YPEL2: variants seen among roughly 807,000 people sequenced by gnomAD.
YPEL2 encodes yippee like 2, also known as protein yippee-like 2.
Under a neutral mutation model 19.1 loss-of-function variants are expected in YPEL2, and 2 were observed. The observed-to-expected ratio is 0.10, with a 90% confidence interval of 0.04 to 0.33. The LOEUF is 0.33. YPEL2 is among the 10% of genes least tolerant of loss of function. YPEL2 has a pLI of 1.00. For synonymous variants in YPEL2, 52 were observed against 50.0 expected, an observed-to-expected ratio of 1.04 and a Z score of -0.17; for missense variants, 66 against 140.7, an observed-to-expected ratio of 0.47 and a Z score of 2.68.
chr17:59,361,630 A>G (rs1194319846), intron 2 of YPEL2, among the ~76,000 whole-genome samples: 2 of 152,168 alleles, frequency 1.3e-5, no homozygotes, highest in Non-Finnish European at 2.9e-5. Context: ...GTGAGTTTCA[A>G]TCTGGGTCCG....
intron 2 of YPEL2, among the ~76,000 whole-genome samples, chr17:59,366,580 T>C (rs1276423975): frequency 1.3e-5 from 2 of 152,192 alleles, no homozygotes; most frequent in Admixed American, 6.5e-5. Context: ...GATGCATCTT[T>C]GGAGGAATGT....
intron 2 of YPEL2, among the ~76,000 whole-genome samples, chr17:59,383,327 G>A (rs1185349935): frequency 6.6e-6 from 1 of 151,602 alleles, no homozygotes; most frequent in Non-Finnish European, 1.5e-5. Flanking sequence ...GGCCGGGCGT[G>A]GTGGCTCACG....
rs1165764066 is a variant in YPEL2, at chr17:59,397,663, A to AG, written c.*475dup. On this transcript the variant is annotated 3_prime_UTR_variant, in exon 5 of 5. Transcript: ENST00000312655. ...GCCGCTCCTGGAGACCTGATAACTT[A>AG]GGCTTGAAATAATTGACTTGTCTAA... 1.3e-5 allele frequency: 2 copies of AG among 153,292 alleles called. No individual in the cohort carries two copies. Among genetic ancestry groups the AG allele is most frequent in the Non-Finnish European group, 2.9e-5 (2 of 68,788 alleles). 9.5% of individuals were successfully genotyped at this position (153,292 alleles called of 1,614,324 possible). A position where few individuals can be genotyped will look rare whatever the true frequency, so the allele number is the denominator to read the frequency against.
intron 4 of YPEL2, 114 bp downstream of exon 4, chr17:59,389,582 A>G (rs2047997639): frequency 5.2e-6 from 4 of 764,366 alleles, no homozygotes; most frequent in Admixed American, 2.1e-5. Context: ...GTCTTAGACC[A>G]GAATAGTCAC....
At position 59,398,860 on chromosome 17, in the gene YPEL2, C is replaced by T. The variant is rs1451777415; in HGVS notation, c.*1670C>T. On this transcript the variant is annotated 3_prime_UTR_variant, in exon 5 of 5. Transcript: ENST00000312655. ...GATGAACTGAGATGAAAGCAGCCAA[C>T]AGCCCAGGAGCTTTTCAGAATAGCG... 1.3e-5 allele frequency: 2 copies of T among 152,190 alleles called. No homozygotes were observed. The highest frequency in any genetic ancestry group is 1.5e-5 in the Non-Finnish European group (1 of 68,040). The allele number at this position is 152,190 out of a possible 1,614,324, so 9.4% of individuals were successfully genotyped here. A position where few individuals can be genotyped will look rare whatever the true frequency, so the allele number is the denominator to read the frequency against.
intron 2 of YPEL2, among the ~76,000 whole-genome samples, chr17:59,360,613 C>T (rs1360309682): frequency 1.3e-5 from 2 of 152,160 alleles, no homozygotes; most frequent in Non-Finnish European, 2.9e-5. Context: ...TTGTACTCCT[C>T]TAGAAGTATC....
rs1432444121 is a variant in YPEL2, at chr17:59,398,946, T to C, written c.*1756T>C. On this transcript the variant is annotated 3_prime_UTR_variant, in exon 5 of 5. Transcript: ENST00000312655. ...CTTGGTGGAAATGCTTTTTTGTGTG[T>C]CTCCACGCGCTGATGGTGGAATGGG... 1 of 152,128 alleles carries C rather than the reference T, an allele frequency of 6.6e-6. No individual in the cohort carries two copies. Among genetic ancestry groups the C allele is most frequent in the East Asian group, 1.9e-4 (1 of 5,192 alleles). The allele number at this position is 152,128 out of a possible 1,614,324, so 9.4% of individuals were successfully genotyped here.
chr17:59,388,782 C>CTG (rs1170548620), intron 3 of YPEL2: 12 of 206,546 alleles, frequency 5.8e-5, no homozygotes, highest in Non-Finnish European at 1.1e-4. Flanking sequence ...GTTTCCAGGG[C>CTG]ACTCAGCCAT....
intron 4 of YPEL2, among the ~76,000 whole-genome samples, chr17:59,392,587 T>C (rs1295971797): frequency 6.8e-6 from 1 of 146,738 alleles, no homozygotes; most frequent in Non-Finnish European, 1.5e-5. Context: ...CTCGGCTTAC[T>C]GCAACCTCCA....
intron 2 of YPEL2, among the ~76,000 whole-genome samples, chr17:59,370,177 C>T (rs1179760275): frequency 6.6e-6 from 1 of 152,226 alleles, no homozygotes; most frequent in Non-Finnish European, 1.5e-5. Flanking sequence ...CAGCCTCAGC[C>T]TCAGCCTCCT....
chr17:59,400,340 T>C lies in YPEL2; in HGVS notation c.*3150T>C, dbSNP rs2048064128. The C allele has an allele frequency of 6.6e-6, 1 of 152,646 alleles. No individual in the cohort carries two copies. The highest frequency in any genetic ancestry group is 1.5e-5 in the Non-Finnish European group (1 of 68,044). 9.5% of individuals were successfully genotyped at this position (152,646 alleles called of 1,614,324 possible). On this transcript the variant is annotated 3_prime_UTR_variant, in exon 5 of 5. Transcript: ENST00000312655. Reference sequence around the variant, plus strand: ...TTGTAAAATATACTTTTGTAAATAATATTTAATTTTTTAAATAATATATTT... The same window carrying C: ...TTGTAAAATATACTTTTGTAAATAACATTTAATTTTTTAAATAATATATTT...
At chr17:59,337,007 G>T (rs2047701892) in intron 1 of YPEL2, among the ~76,000 whole-genome samples, 1 of 152,134 alleles carries the variant, frequency 6.6e-6, no homozygotes, top group Non-Finnish European at 1.5e-5. Context: ...CATTATGTCA[G>T]CCCCTCCGTT....
In YPEL2 at chr17:59,400,989, T is replaced by G. The variant is rs1488069298; in HGVS notation, c.*3799T>G. The G allele has an allele frequency of 6.6e-6, 1 of 152,558 alleles. No homozygotes were observed. Among genetic ancestry groups the G allele is most frequent in the Non-Finnish European group, 1.5e-5 (1 of 67,996 alleles). The allele number at this position is 152,558 out of a possible 1,614,324, so 9.5% of individuals were successfully genotyped here. Reference sequence around the variant, plus strand: ...TTTTACAGACTGTAAAGGAGATGTGTTGTTTGTGAAGATGGAGCAGAGTCA... The same window carrying G: ...TTTTACAGACTGTAAAGGAGATGTGGTGTTTGTGAAGATGGAGCAGAGTCA... On this transcript the variant is annotated 3_prime_UTR_variant, in exon 5 of 5. Transcript: ENST00000312655.
At chr17:59,372,901 A>G (rs1279606218) in intron 2 of YPEL2, among the ~76,000 whole-genome samples, 2 of 152,174 alleles carry the variant, frequency 1.3e-5, no homozygotes, top group Non-Finnish European at 2.9e-5. Flanking sequence ...ATTTTTTGAC[A>G]TGGGCTCTGT....
chr17:59,340,739 G>T (rs561130094), intron 1 of YPEL2, among the ~76,000 whole-genome samples: 2 of 137,226 alleles, frequency 1.5e-5, no homozygotes, highest in Non-Finnish European at 3.1e-5. Flanking sequence ...TTGAAATGGC[G>T]ATGTCTTGCT....
intron 1 of YPEL2, among the ~76,000 whole-genome samples, chr17:59,335,539 G>A (rs1164832077): frequency 1.3e-5 from 2 of 151,942 alleles, no homozygotes; most frequent in East Asian, 3.9e-4. Context: ...ACTCTTTCCA[G>A]GATTCTTTCT....
intron 2 of YPEL2, among the ~76,000 whole-genome samples, chr17:59,357,313 A>G (rs1432018364): frequency 6.6e-6 from 1 of 151,790 alleles, no homozygotes; most frequent in African/African-American, 2.4e-5. Context: ...CTGAGGCACA[A>G]GATTGGATAT....
At chr17:59,390,429 A>G (rs1473610425) in intron 4 of YPEL2, among the ~76,000 whole-genome samples, 1 of 152,222 alleles carries the variant, frequency 6.6e-6, no homozygotes, top group Non-Finnish European at 1.5e-5. Flanking sequence ...GGCGTGAGCC[A>G]CACTGTTGCC....
chr17:59,338,684 G>C (rs1390003308), intron 1 of YPEL2, among the ~76,000 whole-genome samples: 1 of 152,128 alleles, frequency 6.6e-6, no homozygotes, highest in East Asian at 1.9e-4. Context: ...GCTGCAGATA[G>C]AGCACTCCGT....
Sources: allele counts gnomAD v4.1 joint callset (sites outside exome capture counted in the v4.1 genomes callset), GRCh38; gene constraint gnomAD v4.1.1; transcripts MANE v1.5; gene names NCBI Gene and HGNC (gene_info 2026-07-23, HGNC 2026-07-21).